SOBP: variants seen among roughly 807,000 people sequenced by gnomAD.
SOBP encodes sine oculis-binding protein homolog.
SOBP carries 4 observed loss-of-function variants against 53.6 expected under a neutral mutation model. The ratio of observed to expected loss-of-function variants is 0.07; its 90% CI spans 0.04 to 0.17. SOBP has a LOEUF of 0.17. Ranked by LOEUF, SOBP falls within the 10% of genes least tolerant of loss-of-function variation. The pLI, the probability that SOBP is intolerant of heterozygous loss-of-function variation, is 1.00. For synonymous variants in SOBP, 584 were observed against 522.6 expected, an observed-to-expected ratio of 1.12 and a Z score of -1.60; for missense variants, 1,088 against 1,204.7, an observed-to-expected ratio of 0.90 and a Z score of 1.43.
chr6:107,613,743 G>T (rs1562100822), intron 5 of SOBP, among the ~76,000 whole-genome samples: 1 of 152,204 alleles, frequency 6.6e-6, no homozygotes, highest in South Asian at 2.1e-4. Flanking sequence ...ACAAAGTCAG[G>T]ATTAGAATCC....
intron 1 of SOBP, among the ~76,000 whole-genome samples, chr6:107,500,269 C>G (rs992169808): frequency 6.6e-6 from 1 of 151,498 alleles, no homozygotes; most frequent in African/African-American, 2.4e-5. Context: ...TGCGCCTGTA[C>G]TCCCACCTAC....
At chr6:107,620,930 T>C (rs1245911310) in intron 5 of SOBP, among the ~76,000 whole-genome samples, 2 of 152,240 alleles carry the variant, frequency 1.3e-5, no homozygotes, top group African/African-American at 4.8e-5. Flanking sequence ...CTGCATCTCA[T>C]TTCCTCCTTC....
At chr6:107,525,999 GT>G (rs1325264477) in intron 3 of SOBP, among the ~76,000 whole-genome samples, 1 of 151,870 alleles carries the variant, frequency 6.6e-6, no homozygotes, top group African/African-American at 2.4e-5. Context: ...CCGGGCTGGA[GT>G]GCAATGGCAC....
At chr6:107,531,214 T>A (rs1359371333) in intron 3 of SOBP, among the ~76,000 whole-genome samples, 1 of 152,248 alleles carries the variant, frequency 6.6e-6, no homozygotes, top group Non-Finnish European at 1.5e-5. Context: ...GGGGACCTAA[T>A]GCATGTTCTA....
chr6:107,572,030 CT>C (rs754890237), intron 4 of SOBP, among the ~76,000 whole-genome samples: 3 of 152,104 alleles, frequency 2.0e-5, no homozygotes, highest in South Asian at 4.1e-4. Flanking sequence ...TAAAAGAAAG[CT>C]TTTTCAGGTT....
chr6:107,551,950 G>A (rs992133595), intron 4 of SOBP, among the ~76,000 whole-genome samples: 5 of 152,138 alleles, frequency 3.3e-5, no homozygotes, highest in African/African-American at 1.2e-4. Context: ...GAACCCAGGA[G>A]GTGGAGGTTT....
At chr6:107,555,155 G>A (rs1337850351) in intron 4 of SOBP, among the ~76,000 whole-genome samples, 1 of 149,722 alleles carries the variant, frequency 6.7e-6, no homozygotes, top group Non-Finnish European at 1.5e-5. Context: ...GTTCTCCCAC[G>A]CACCTTCTCA....
rs780149896 is a variant in SOBP at position 107,503,674 on chromosome 6, C to T, written c.114C>T (p.Thr38=). 4 of 1,614,070 alleles carry T rather than the reference C, an allele frequency of 2.5e-6. No individual in the cohort carries two copies. In the East Asian group the frequency reaches 8.9e-5, roughly 36 times the overall value. ...NEEMKNFAEN[T]MNELLGWYGY... The stretch of plus-strand genomic sequence containing the variant: ...TCTTTCAGAACTTTGCAGAAAACAC[C>T]ATGAATGAACTCCTTGGCTGGTATG... Residue 38 remains threonine (T), a synonymous_variant, in exon 2 of 7, where the codon ACC becomes ACT. Coordinates refer to ENST00000317357, the MANE Select transcript of SOBP (RefSeq NM_018013.4).
chr6:107,624,994 C>G (rs1770392550), intron 5 of SOBP, among the ~76,000 whole-genome samples: 1 of 152,186 alleles, frequency 6.6e-6, no homozygotes, highest in Admixed American at 6.5e-5. Flanking sequence ...ACAGATTTAA[C>G]TTAGAATCTG....
chr6:107,594,861 GGCAGGAGGCCCAGTGA>G (rs1190889557), intron 5 of SOBP, among the ~76,000 whole-genome samples: 2 of 152,186 alleles, frequency 1.3e-5, no homozygotes, highest in African/African-American at 4.8e-5. Flanking sequence ...TCTGGGGGAG[GGCAGGAGGCCCAGTGA>G]GCAGGCACAG....
At chr6:107,578,034 A>G (rs1785287096) in intron 4 of SOBP, among the ~76,000 whole-genome samples, 1 of 148,022 alleles carries the variant, frequency 6.8e-6, no homozygotes, top group Non-Finnish European at 1.5e-5. Context: ...AGATGGCGCC[A>G]CTGCGCTCCA....
At position 107,543,630 on chromosome 6, in the gene SOBP, A is replaced by T. The variant is rs75195024; in HGVS notation, c.573+10020A>T. ...GGGGACCAGAGTGATGGCTGATGGG[A>T]GATGCAAGCAAATGCCCTCTAGAGA... On this transcript the variant is annotated intron_variant, in intron 4 of 6. Transcript: ENST00000317357. 5.4e-3 allele frequency among the ~76,000 whole-genome samples: 826 copies of T among 152,324 alleles called. 57 individuals are homozygous for T. The East Asian group carries it at 0.13, about 24-fold the overall frequency.
chr6:107,657,070 C>T (rs1447098159), intron 6 of SOBP, among the ~76,000 whole-genome samples: 1 of 152,206 alleles, frequency 6.6e-6, no homozygotes, highest in African/African-American at 2.4e-5. Context: ...CCACAGCGGG[C>T]CAGACTCTGA....
chr6:107,650,035 C>CAG (rs1771737103), intron 6 of SOBP, among the ~76,000 whole-genome samples: 1 of 152,004 alleles, frequency 6.6e-6, no homozygotes, highest in South Asian at 2.1e-4. Context: ...AGAGTTATCC[C>CAG]AGTAGGGAGT....
chr6:107,573,012 T>G (rs1029318140), intron 4 of SOBP, among the ~76,000 whole-genome samples: 5 of 152,160 alleles, frequency 3.3e-5, no homozygotes, highest in South Asian at 2.1e-4. Context: ...GTGGAAAGTT[T>G]GTTGACCGAG....
chr6:107,520,255 C>G (rs1055393204), intron 3 of SOBP, among the ~76,000 whole-genome samples: 12 of 152,198 alleles, frequency 7.9e-5, no homozygotes, highest in African/African-American at 2.7e-4. Flanking sequence ...AAAGAATATC[C>G]TTTGCCTCAG....
At position 107,518,077 on chromosome 6, in the gene SOBP, C is replaced by A. The variant is rs542689735; in HGVS notation, c.421+11650C>A. Among the ~76,000 whole-genome samples, 7 of 152,080 alleles carry A rather than the reference C, an allele frequency of 4.6e-5. No homozygotes were observed. The South Asian group carries it at 1.5e-3, about 32-fold the overall frequency. ...GAATGAAAAAGCAAATCACTGAGTA[C>A]CAGATGAAGTTTGTAATGCATTTCC... On this transcript the variant is annotated intron_variant, in intron 3 of 6. Transcript: ENST00000317357.
At chr6:107,594,406 T>C (rs1425519723) in intron 5 of SOBP, among the ~76,000 whole-genome samples, 1 of 152,046 alleles carries the variant, frequency 6.6e-6, no homozygotes, top group Admixed American at 6.6e-5. Context: ...TGTGCACATT[T>C]GCATGAAAAC....
rs1015371880 is a variant in SOBP at position 107,635,022 on chromosome 6, C to G, written c.2178C>G (p.Gly726=). 8.2e-7 allele frequency: 1 copy of G among 1,216,840 alleles called. No individual in the cohort carries two copies. The highest frequency in any genetic ancestry group is 1.6e-5 in the African/African-American group (1 of 62,042). 75.4% of individuals were successfully genotyped at this position (1,216,840 alleles called of 1,614,324 possible). A position where few individuals can be genotyped will look rare whatever the true frequency, so the allele number is the denominator to read the frequency against. Residue 726 remains glycine, a synonymous_variant, in exon 6 of 7, where the codon GGC becomes GGG. Transcript: ENST00000317357. This position sits in a 1 kb window ranked among gnomAD's most constrained non-coding sequence, Gnocchi z 4.5. The part of the protein sequence containing the change: ...AAAACNVIVN[G]TRGAAAEGAK... ...CGGCCTGCAACGTCATCGTGAACGGCACGCGCGGCGCCGCCGCCGAGGGCG... is the reference window on the plus strand; with the variant it reads ...CGGCCTGCAACGTCATCGTGAACGGGACGCGCGGCGCCGCCGCCGAGGGCG...
Sources: gnomAD v4.1 joint callset for allele counts (sites outside exome capture counted in the v4.1 genomes callset) on GRCh38, gnomAD v4.1.1 for gene constraint, Gnocchi (gnomAD v3.1) non-coding constraint, MANE v1.5 for transcripts, NCBI Gene and HGNC (gene_info 2026-07-23, HGNC 2026-07-21) for gene names.